The following DLEC1 variants were observed in gnomAD, a reference collection of about 807,000 sequenced individuals.
DLEC1 encodes deleted in lung and esophageal cancer protein 1.
DLEC1 carries 146 observed loss-of-function variants against 198.1 expected under a neutral mutation model. The observed-to-expected ratio is 0.74, with a 90% CI of 0.64 to 0.85. The LOEUF (loss-of-function observed/expected upper bound fraction) is 0.85. DLEC1 is among the 40% of genes least tolerant of loss of function. DLEC1 has a pLI of 0.00. For missense variants in DLEC1, 2,233 were observed against 2,220.0 expected, an observed-to-expected ratio of 1.01 and a Z score of -0.12; for synonymous variants, 897 against 866.8, an observed-to-expected ratio of 1.03 and a Z score of -0.61.
intron 6 of DLEC1, among the ~76,000 whole-genome samples, chr3:38,076,344 C>G (rs1450735448): frequency 6.6e-6 from 1 of 152,112 alleles, no homozygotes; most frequent in Non-Finnish European, 1.5e-5. Context: ...AGCAATAAAG[C>G]TGTTTATTTC....
intron 2 of DLEC1, among the ~76,000 whole-genome samples, chr3:38,053,479 G>A (rs1262415618): frequency 2.2e-4 from 29 of 134,642 alleles, no homozygotes; most frequent in East Asian, 2.1e-3. Flanking sequence ...CTGCCCAGCC[G>A]CCCTGTCTGA....
intron 6 of DLEC1, among the ~76,000 whole-genome samples, chr3:38,071,765 A>G (rs1294171869): frequency 6.6e-6 from 1 of 152,250 alleles, no homozygotes; most frequent in Non-Finnish European, 1.5e-5. Flanking sequence ...AAGAGGCATT[A>G]ATGATGGAGG....
intron 6 of DLEC1, among the ~76,000 whole-genome samples, chr3:38,071,133 A>G (rs931097077): frequency 2.0e-5 from 3 of 152,126 alleles, no homozygotes; most frequent in Non-Finnish European, 4.4e-5. Context: ...AAGTGGTGAT[A>G]TCGTGGGGTT....
At chr3:38,089,553 A>G (rs147877546) in intron 10 of DLEC1, among the ~76,000 whole-genome samples, 258 of 152,248 alleles carry the variant, frequency 1.7e-3, no homozygotes, top group Admixed American at 4.1e-3. Context: ...GTCAGGCCTC[A>G]TCTACTGCTG....
chr3:38,108,471 A>AG lies in DLEC1; in HGVS notation c.3086dup (p.Ser1029ArgfsTer2). ...CCCCAAACATGGCCTGCTGGGCCCAAGTGAGGAGTGCCAGCTCAAGTTGGA... is the reference window on the plus strand; with the variant it reads ...CCCCAAACATGGCCTGCTGGGCCCAAGGTGAGGAGTGCCAGCTCAAGTTGGA... On this transcript the variant is annotated frameshift_variant, in exon 21 of 37. Coordinates refer to ENST00000308059, the MANE Select transcript of DLEC1 (RefSeq NM_007335.4). LOFTEE classifies it high-confidence loss of function. 1 of 1,614,220 alleles carries AG rather than the reference A, an allele frequency of 6.2e-7. No individual in the cohort carries two copies.
rs73825493 is a variant in DLEC1 at position 38,093,400 on chromosome 3, T to C, written c.1757-205T>C. 1.3e-3 allele frequency among the ~76,000 whole-genome samples: 200 copies of C among 152,178 alleles called. 1 individual carries two copies. Among genetic ancestry groups the C allele is most frequent in the African/African-American group, 4.7e-3 (194 of 41,496 alleles). On this transcript the variant is annotated intron_variant, in intron 11 of 36. Transcript: ENST00000308059. Reference sequence around the variant, plus strand: ...AATTGAGTGTCTGCTATATGCTAGGTTCTCAAAATCACCTCCTTTTGGTCT... The same window carrying C: ...AATTGAGTGTCTGCTATATGCTAGGCTCTCAAAATCACCTCCTTTTGGTCT...
At chr3:38,094,530 A>G (rs1698907859) in intron 12 of DLEC1, among the ~76,000 whole-genome samples, 1 of 152,234 alleles carries the variant, frequency 6.6e-6, no homozygotes, top group Admixed American at 6.5e-5. Context: ...ACACTGCAGA[A>G]GATCTTCCCA....
At chr3:38,084,048 TATTTC>T in intron 6 of DLEC1, 105 bp from the exon 7 acceptor site, 1 of 1,033,848 alleles carries the variant, frequency 9.7e-7, no homozygotes, top group Non-Finnish European at 1.4e-6. Context: ...TGGCCAAGCC[TATTTC>T]ATTTCTACCT....
Position 38,122,280 on chromosome 3 carries a change from TC to T in DLEC1, c.5145-5del. On this transcript the variant is annotated splice_polypyrimidine_tract_variant and splice_region_variant and intron_variant, in intron 36 of 36. Coordinates refer to ENST00000308059, the MANE Select transcript of DLEC1 (RefSeq NM_007335.4). ...CCTCCTAACCTCAGCCCCCACATGC[TC>T]CCCACAGGAGTAGTGAGCTGTACGA... 6.2e-7 allele frequency: 1 copy of T among 1,608,342 alleles called. No homozygotes were observed. Among genetic ancestry groups the T allele is most frequent in the Non-Finnish European group, 8.5e-7 (1 of 1,175,884 alleles).
At position 38,112,023 on chromosome 3, in the gene DLEC1, G is replaced by A. The variant is rs1417721642; in HGVS notation, c.3515-187G>A. On this transcript the variant is annotated intron_variant, in intron 24 of 36. Coordinates refer to ENST00000308059, the MANE Select transcript of DLEC1 (RefSeq NM_007335.4). The surrounding 1 kb of genome is among the most constrained non-coding windows in gnomAD (Gnocchi z 4.8). ...CAGCCTCTCAGGGAGTAGAGAGGCTGACCACGCAGGACCCTGAGTAGCTTG... is the reference window on the plus strand; with the variant it reads ...CAGCCTCTCAGGGAGTAGAGAGGCTAACCACGCAGGACCCTGAGTAGCTTG... 6.6e-6 allele frequency among the ~76,000 whole-genome samples: 1 copy of A among 152,154 alleles called. No homozygotes were observed. Among genetic ancestry groups the A allele is most frequent in the African/African-American group, 2.4e-5 (1 of 41,438 alleles).
intron 6 of DLEC1, among the ~76,000 whole-genome samples, chr3:38,080,077 GT>G (rs746446086): frequency 6.6e-6 from 1 of 152,188 alleles, no homozygotes; most frequent in Non-Finnish European, 1.5e-5. Context: ...ACTGGGCTGG[GT>G]TTTTATATTT....
At chr3:38,085,807 C>G (rs75140206) in intron 8 of DLEC1, among the ~76,000 whole-genome samples, 1 of 152,104 alleles carries the variant, frequency 6.6e-6, no homozygotes, top group African/African-American at 2.4e-5. Flanking sequence ...AACAGGTCGT[C>G]GTTGTCCTCG....
chr3:38,053,799 G>C (rs1384114051), intron 2 of DLEC1, among the ~76,000 whole-genome samples: 1 of 152,224 alleles, frequency 6.6e-6, no homozygotes, highest in Non-Finnish European at 1.5e-5. Flanking sequence ...TTGTTGCTGT[G>C]TCTGTGTAGA....
At chr3:38,092,954 C>T in intron 11 of DLEC1, 74 bp downstream of exon 11, 2 of 1,366,918 alleles carry the variant, frequency 1.5e-6, no homozygotes, top group Non-Finnish European at 2.1e-6. Context: ...ACCACAGTAG[C>T]ATTAGCGGCA....
At chr3:38,097,032 T>C in intron 15 of DLEC1, 150 bp from the exon 16 acceptor site, 2 of 825,972 alleles carry the variant, frequency 2.4e-6, no homozygotes, top group South Asian at 3.5e-5. Flanking sequence ...TGCTTTTGGG[T>C]TGGGAGGCCC....
In DLEC1 at chr3:38,095,059, T is replaced by C. The variant is rs535838873; in HGVS notation, c.2100T>C (p.Phe700=). Residue 700 remains phenylalanine, a synonymous_variant, in exon 13 of 37, where the codon TTT becomes TTC. Coordinates refer to ENST00000308059, the MANE Select transcript of DLEC1 (RefSeq NM_007335.4). The stretch of plus-strand genomic sequence containing the variant: ...CAGACCACGAGTTCATCCTGAGCTT[T>C]TCTCCTCATGAGGTTCAGATGGTGT... The part of the protein sequence containing the change: ...PHTDHEFILS[F]SPHELRDFHS... 1 of 1,614,180 alleles carries C rather than the reference T, an allele frequency of 6.2e-7. No homozygotes were observed. The highest frequency in any genetic ancestry group is 2.2e-5 in the East Asian group (1 of 44,888).
intron 14 of DLEC1, 115 bp from the exon 15 acceptor site, chr3:38,096,454 G>A: frequency 1.6e-6 from 2 of 1,264,414 alleles, no homozygotes; most frequent in Non-Finnish European, 1.1e-6. Context: ...CTCAGGAGCT[G>A]TGGGTTAGGC....
intron 2 of DLEC1, among the ~76,000 whole-genome samples, chr3:38,058,324 G>A (rs963503410): frequency 3.3e-5 from 5 of 152,172 alleles, no homozygotes; most frequent in Non-Finnish European, 5.9e-5. Flanking sequence ...CTGATCCCCT[G>A]TGTGACACCA....
chr3:38,046,138 A>T (rs1273532545), intron 2 of DLEC1, among the ~76,000 whole-genome samples: 1 of 152,238 alleles, frequency 6.6e-6, no homozygotes, highest in Non-Finnish European at 1.5e-5. Context: ...TGAAGTAATT[A>T]TCCTTGGCTG....
Sources: allele counts gnomAD v4.1 joint callset (sites outside exome capture counted in the v4.1 genomes callset), GRCh38; gene constraint gnomAD v4.1.1; non-coding constraint Gnocchi (gnomAD v3.1); transcripts MANE v1.5; gene names NCBI Gene and HGNC (gene_info 2026-07-23, HGNC 2026-07-21).